GAP43: variants seen among roughly 807,000 people sequenced by gnomAD.
The protein encoded by GAP43 is neuromodulin.
GAP43 carries 6 observed loss-of-function variants against 18.6 expected under a neutral mutation model. The observed-to-expected ratio is 0.32, with a 90% CI of 0.18 to 0.64. GAP43 has a LOEUF of 0.64. Among genes scored for constraint, GAP43 ranks in the 30% least tolerant of loss-of-function variants. GAP43 has a pLI of 0.78. For synonymous variants in GAP43, 115 were observed against 111.4 expected, an observed-to-expected ratio of 1.03 and a Z score of -0.20; for missense variants, 292 against 295.5, an observed-to-expected ratio of 0.99 and a Z score of 0.09.
At chr3:115,633,459 C>T (rs943061985) in intron 1 of GAP43, among the ~76,000 whole-genome samples, 3 of 152,088 alleles carry the variant, frequency 2.0e-5, no homozygotes, top group Admixed American at 2.0e-4. Flanking sequence ...TCCACATAGT[C>T]CACATGTGGG....
intron 2 of GAP43, among the ~76,000 whole-genome samples, chr3:115,697,956 C>T (rs963605721): frequency 1.4e-5 from 2 of 138,452 alleles, no homozygotes; most frequent in Non-Finnish European, 3.0e-5. Context: ...AAAGGAACCA[C>T]TGCATAAAAA....
intron 1 of GAP43, among the ~76,000 whole-genome samples, chr3:115,673,251 AG>A: frequency 6.6e-6 from 1 of 152,316 alleles, no homozygotes; most frequent in East Asian, 1.9e-4. Flanking sequence ...GAGAAAGAGG[AG>A]GGAGAGAAAA....
intron 1 of GAP43, among the ~76,000 whole-genome samples, chr3:115,660,754 G>A (rs547173127): frequency 6.6e-6 from 1 of 152,316 alleles, no homozygotes; most frequent in African/African-American, 2.4e-5. Flanking sequence ...AGTGGGCCTG[G>A]GCGGGGTGAC....
chr3:115,657,244 A>C (rs1255472576), intron 1 of GAP43, among the ~76,000 whole-genome samples: 1 of 152,210 alleles, frequency 6.6e-6, no homozygotes, highest in Non-Finnish European at 1.5e-5. Flanking sequence ...GCGATGAGCT[A>C]AAGTGGAAGT....
chr3:115,634,892 C>T (rs1329049177), intron 1 of GAP43, among the ~76,000 whole-genome samples: 3 of 152,136 alleles, frequency 2.0e-5, no homozygotes, highest in Admixed American at 1.3e-4. Flanking sequence ...CAGACTCTTA[C>T]TAACATTCCA....
chr3:115,690,795 G>T (rs1379702992), intron 2 of GAP43, among the ~76,000 whole-genome samples: 1 of 124,696 alleles, frequency 8.0e-6, no homozygotes, highest in African/African-American at 3.2e-5. Flanking sequence ...TCCCTCTGTC[G>T]CCCAGGCTGG....
At chr3:115,648,270 G>T (rs1194968332) in intron 1 of GAP43, among the ~76,000 whole-genome samples, 3 of 152,036 alleles carry the variant, frequency 2.0e-5, no homozygotes, top group African/African-American at 7.2e-5. Flanking sequence ...GACTCCTTCA[G>T]GTAGACCCTA....
chr3:115,715,007 C>T (rs188357885), intron 2 of GAP43, among the ~76,000 whole-genome samples: 10 of 152,166 alleles, frequency 6.6e-5, no homozygotes, highest in Admixed American at 5.2e-4. Flanking sequence ...TTGCTGTGTC[C>T]TCACATGGTA....
rs1371229440 is a variant in GAP43 at position 115,667,235 on chromosome 3, C to T, written c.31-8778C>T. On this transcript the variant is annotated intron_variant, in intron 1 of 2. Transcript: ENST00000305124. The stretch of plus-strand genomic sequence containing the variant: ...GTTCTCAGATTGTTTATAGCCCAAG[C>T]GAAGTTCAGTTAGTAATAAAATAAA... Among the ~76,000 whole-genome samples, 5 of 152,088 alleles carry T rather than the reference C, an allele frequency of 3.3e-5. No homozygotes were observed. In the East Asian group the frequency reaches 7.7e-4, roughly 23 times the overall value.
Position 115,676,395 on chromosome 3 carries a change from C to A in GAP43, c.413C>A (p.Ala138Asp), listed in dbSNP as rs1420942022. The part of the protein sequence containing the change: ...PASSEEKAGS[A>D]ETESATKAST... Reference sequence around the variant, plus strand: ...TCCTCAGAGGAGAAGGCCGGCTCAGCTGAGACAGAAAGTGCCACTAAAGCT... The same window carrying A: ...TCCTCAGAGGAGAAGGCCGGCTCAGATGAGACAGAAAGTGCCACTAAAGCT... Residue 138 changes from alanine to aspartate, a missense_variant, in exon 2 of 3, where the codon GCT (alanine) becomes GAT (aspartate). Physicochemically the swap from Ala to Asp is moderately radical, Grantham distance 126. Coordinates refer to ENST00000305124, the MANE Select transcript of GAP43 (RefSeq NM_002045.4). 6.2e-7 allele frequency: 1 copy of A among 1,613,802 alleles called. No individual in the cohort carries two copies. The highest frequency in any genetic ancestry group is 1.3e-5 in the African/African-American group (1 of 74,918).
At chr3:115,685,550 G>A (rs1709021231) in intron 2 of GAP43, among the ~76,000 whole-genome samples, 1 of 152,192 alleles carries the variant, frequency 6.6e-6, no homozygotes, top group African/African-American at 2.4e-5. Flanking sequence ...AACATAATTT[G>A]TGTACAGCCT....
intron 1 of GAP43, among the ~76,000 whole-genome samples, chr3:115,641,016 C>T: frequency 7.7e-6 from 1 of 129,974 alleles, no homozygotes; most frequent in Admixed American, 8.3e-5. Context: ...CTCTTTCTTG[C>T]TTTATTCTGT....
In GAP43 at chr3:115,676,650, G is replaced by A. The variant is rs933444956; in HGVS notation, c.628+40G>A. 4 of 1,505,288 alleles carry A rather than the reference G, an allele frequency of 2.7e-6. No individual in the cohort carries two copies. In the African/African-American group the frequency reaches 4.2e-5, roughly 16 times the overall value. 93.2% of individuals were successfully genotyped at this position (1,505,288 alleles called of 1,614,324 possible). A position where few individuals can be genotyped will look rare whatever the true frequency, so the allele number is the denominator to read the frequency against. ...GGGTCAGATGCAATGGGTGGATGGG[G>A]AAGGGAGTTGCTATTCGGAAGACCA... On this transcript the variant is annotated intron_variant, in intron 2 of 2. Coordinates refer to ENST00000305124, the MANE Select transcript of GAP43 (RefSeq NM_002045.4).
chr3:115,629,823 G>T (rs538773212), intron 1 of GAP43, among the ~76,000 whole-genome samples: 1 of 152,260 alleles, frequency 6.6e-6, no homozygotes, highest in Admixed American at 6.5e-5. Flanking sequence ...TTCACAGGCT[G>T]TAGCATATCT....
At chr3:115,640,229 AAT>A (rs371770250) in intron 1 of GAP43, among the ~76,000 whole-genome samples, 5 of 152,120 alleles carry the variant, frequency 3.3e-5, no homozygotes, top group Non-Finnish European at 5.9e-5. Context: ...TAGCTGAAAA[AAT>A]ATGTCACTTT....
At chr3:115,685,824 C>T (rs922879768) in intron 2 of GAP43, among the ~76,000 whole-genome samples, 1 of 152,092 alleles carries the variant, frequency 6.6e-6, no homozygotes, top group Non-Finnish European at 1.5e-5. Flanking sequence ...TTATTTCCTC[C>T]TTCCTCTTCC....
rs72961663 is a variant in GAP43, at chr3:115,648,139, T to C, written c.30+24420T>C. Reference sequence around the variant, plus strand: ...TATGACAGTGTGACAAGGCTCGTCATGGAAGTAGTCCTTCTTTTACGCAAT... The same window carrying C: ...TATGACAGTGTGACAAGGCTCGTCACGGAAGTAGTCCTTCTTTTACGCAAT... On this transcript the variant is annotated intron_variant, in intron 1 of 2. Transcript: ENST00000305124. 7.3e-3 allele frequency among the ~76,000 whole-genome samples: 1,105 copies of C among 152,234 alleles called. 13 individuals are homozygous for C. The highest frequency in any genetic ancestry group is 0.025 in the African/African-American group (1,021 of 41,562).
At chr3:115,701,024 A>T (rs1293137218) in intron 2 of GAP43, among the ~76,000 whole-genome samples, 6 of 152,056 alleles carry the variant, frequency 3.9e-5, no homozygotes, top group Admixed American at 3.3e-4. Context: ...CTTTCCCTTA[A>T]ATCCCAAGGA....
At chr3:115,700,855 G>T (rs942764597) in intron 2 of GAP43, among the ~76,000 whole-genome samples, 1 of 151,998 alleles carries the variant, frequency 6.6e-6, no homozygotes, top group African/African-American at 2.4e-5. Context: ...ATGCCTCAGG[G>T]CACAGATGAG....
Sources: allele counts gnomAD v4.1 joint callset (sites outside exome capture counted in the v4.1 genomes callset), GRCh38; gene constraint gnomAD v4.1.1; transcripts MANE v1.5; gene names NCBI Gene and HGNC (gene_info 2026-07-23, HGNC 2026-07-21).